FOXN3: variants seen among roughly 807,000 people sequenced by gnomAD.
FOXN3 encodes the protein forkhead box N3.
A neutral mutation model predicts 38.4 loss-of-function variants in FOXN3; 7 were observed. The observed-to-expected ratio is 0.18, with a 90% CI of 0.10 to 0.34. The LOEUF is 0.34. FOXN3 is among the 10% of genes least tolerant of loss of function. The pLI, the probability that FOXN3 is intolerant of heterozygous loss-of-function variation, is 1.00. For missense variants in FOXN3, 456 were observed against 613.4 expected (o/e 0.74, Z 2.71); for synonymous variants, 230 against 242.2 (o/e 0.95, Z 0.47).
chr14:89,256,953 A>G (rs1193371371), intron 4 of FOXN3, among the ~76,000 whole-genome samples: 1 of 152,246 alleles, frequency 6.6e-6, no homozygotes, highest in Non-Finnish European at 1.5e-5. Flanking sequence ...AAAGCAGTAT[A>G]GTTTAGACCC....
chr14:89,530,004 G>C (rs543735096), intron 1 of FOXN3, among the ~76,000 whole-genome samples: 17 of 151,252 alleles, frequency 1.1e-4, no homozygotes, highest in African/African-American at 4.1e-4. Context: ...GCAGTGGTGC[G>C]ATCTTGGCTC....
At chr14:89,401,047 G>A (rs1284227343) in intron 2 of FOXN3, among the ~76,000 whole-genome samples, 1 of 152,120 alleles carries the variant, frequency 6.6e-6, no homozygotes, top group Non-Finnish European at 1.5e-5. Flanking sequence ...ACAGTGCCTG[G>A]CACTCCACAA....
chr14:89,216,844 T>G (rs1884299398), intron 4 of FOXN3, among the ~76,000 whole-genome samples: 1 of 152,230 alleles, frequency 6.6e-6, no homozygotes, highest in Non-Finnish European at 1.5e-5. Flanking sequence ...TGTTCCCTGC[T>G]GCGTGTGGCT....
rs759741469 is a variant in FOXN3, at chr14:89,412,617, C to T, written c.-14-127G>A. 1.3e-4 allele frequency: 84 copies of T among 658,980 alleles called. No individual in the cohort carries two copies. The highest frequency in any genetic ancestry group is 6.1e-5 in the Non-Finnish European group (24 of 395,022). The allele number at this position is 658,980 out of a possible 1,614,324, so 40.8% of individuals were successfully genotyped here. On this transcript the variant is annotated intron_variant, in intron 1 of 5. Transcript: ENST00000557258. This position sits in a 1 kb window ranked among gnomAD's most constrained non-coding sequence, Gnocchi z 4.7. The stretch of plus-strand genomic sequence containing the variant: ...GAACCCCTGCTACACAGGAACACCA[C>T]CTTGTGACTCCCACACTAAGCAACA...
chr14:89,575,392 G>T (rs188298527), intron 1 of FOXN3, among the ~76,000 whole-genome samples: 2 of 152,274 alleles, frequency 1.3e-5, no homozygotes, highest in East Asian at 3.9e-4. Context: ...CCTGGCTGGG[G>T]TGGGGATGAT....
At chr14:89,418,394 TTC>T (rs903000433), upstream of FOXN3, among the ~76,000 whole-genome samples, 12 of 150,594 alleles carry the variant, frequency 8.0e-5, no homozygotes, top group African/African-American at 2.9e-4. Context: ...TGAAAATTTT[TTC>T]TGTCTCAAAA....
At chr14:89,260,815 C>T (rs946995486) in intron 4 of FOXN3, among the ~76,000 whole-genome samples, 2 of 152,148 alleles carry the variant, frequency 1.3e-5, no homozygotes, top group African/African-American at 4.8e-5. Context: ...TTAACATTAC[C>T]CTAATGACAT....
At chr14:89,400,192 C>T (rs1253313598) in intron 2 of FOXN3, 2 of 152,162 alleles carry the variant, frequency 1.3e-5, no homozygotes, top group Admixed American at 1.3e-4. Flanking sequence ...TAAATGTAAA[C>T]CTCTTTTGTT....
At chr14:89,204,097 ACACAC>A (rs1347918815) in intron 4 of FOXN3, among the ~76,000 whole-genome samples, 1,359 of 135,600 alleles carry the variant, frequency 0.01, 26 homozygotes, top group African/African-American at 0.036. Context: ...ACACACACAC[ACACAC>A]AACTACTACT....
At chr14:89,594,466 A>T (rs1238898212) in intron 1 of FOXN3, among the ~76,000 whole-genome samples, 2 of 152,206 alleles carry the variant, frequency 1.3e-5, no homozygotes, top group Non-Finnish European at 1.5e-5. Flanking sequence ...AAGACTTATG[A>T]AGTTGAACAA....
chr14:89,462,687 C>CTT (rs1231830649), intron 1 of FOXN3, among the ~76,000 whole-genome samples: 6 of 140,296 alleles, frequency 4.3e-5, no homozygotes, highest in Non-Finnish European at 4.7e-5. Context: ...TCCTCTTCTT[C>CTT]TTTTTTTTTT....
intron 3 of FOXN3, among the ~76,000 whole-genome samples, chr14:89,335,404 G>A (rs943545443): frequency 9.8e-5 from 15 of 152,346 alleles, no homozygotes; most frequent in African/African-American, 3.1e-4. Flanking sequence ...CACATGTAGC[G>A]TTTGGCCACA....
chr14:89,195,436 C>G (rs1036577363), intron 4 of FOXN3, among the ~76,000 whole-genome samples: 7 of 152,222 alleles, frequency 4.6e-5, no homozygotes, highest in Non-Finnish European at 8.8e-5. Flanking sequence ...AGCAGAGGAA[C>G]TTTCTGATGC....
chr14:89,277,454 G>A (rs1439024150), intron 4 of FOXN3, among the ~76,000 whole-genome samples: 1 of 152,090 alleles, frequency 6.6e-6, no homozygotes, highest in Non-Finnish European at 1.5e-5. Flanking sequence ...AGCCTAAATG[G>A]CATTTAAAAT....
intron 1 of FOXN3, among the ~76,000 whole-genome samples, chr14:89,472,432 T>C (rs192448512): frequency 2.5e-4 from 37 of 150,946 alleles, no homozygotes; most frequent in African/African-American, 9.0e-4. Context: ...TTAAGATAGA[T>C]TGTGCAGGCC....
At chr14:89,222,012 C>T (rs986645904) in intron 4 of FOXN3, among the ~76,000 whole-genome samples, 10 of 152,088 alleles carry the variant, frequency 6.6e-5, no homozygotes, top group South Asian at 2.1e-4. Context: ...TTAGTAGAGA[C>T]GGGGTTTCAC....
intron 2 of FOXN3, among the ~76,000 whole-genome samples, chr14:89,397,099 C>T (rs2140083665): frequency 6.6e-6 from 1 of 152,216 alleles, no homozygotes; most frequent in Admixed American, 6.5e-5. Context: ...GAATACTATG[C>T]AGCCATAAAC....
intron 2 of FOXN3, among the ~76,000 whole-genome samples, chr14:89,367,102 TTGTTTGG>T (rs943072626): frequency 3.9e-5 from 6 of 152,118 alleles, no homozygotes; most frequent in African/African-American, 1.4e-4. Context: ...AGACACTGGG[TTGTTTGG>T]TGTTTGTTCT....
intron 1 of FOXN3, among the ~76,000 whole-genome samples, chr14:89,497,803 G>C (rs926057901): frequency 6.6e-6 from 1 of 152,086 alleles, no homozygotes; most frequent in Non-Finnish European, 1.5e-5. Flanking sequence ...TAATTTTTGG[G>C]GGGAACTGCC....
Sources: gnomAD v4.1 joint callset for allele counts (sites outside exome capture counted in the v4.1 genomes callset) on GRCh38, gnomAD v4.1.1 for gene constraint, Gnocchi (gnomAD v3.1) non-coding constraint, MANE v1.5 for transcripts, NCBI Gene and HGNC (gene_info 2026-07-23, HGNC 2026-07-21) for gene names.